TMEM184B: variants seen among roughly 807,000 people sequenced by gnomAD.
TMEM184B encodes putative MAPK-activating protein FM08.
A neutral mutation model predicts 41.8 loss-of-function variants in TMEM184B; 17 were observed. The observed-to-expected ratio is 0.41, with a 90% CI of 0.28 to 0.61. The LOEUF (loss-of-function observed/expected upper bound fraction) is 0.61. Among genes scored for constraint, TMEM184B ranks in the 20% least tolerant of loss-of-function variants. TMEM184B has a pLI of 0.34. For missense variants in TMEM184B, 393 were observed against 557.8 expected (o/e 0.70, Z 2.98); for synonymous variants, 240 against 229.5 (o/e 1.05, Z -0.41).
intron 8 of TMEM184B, chr22:38,222,640 A>C: frequency 1.0e-6 from 1 of 985,410 alleles, no homozygotes. Context: ...AGCGGGACCT[A>C]CCGTAAGGGC....
chr22:38,245,992 A>G lies in TMEM184B; in HGVS notation c.301T>C (p.Phe101Leu), dbSNP rs1243367691. ...ACGTAGTACTGGTCGTTGGTGAAGA[A>G]GAGGAGGCTGAGCCAGGAGTCAAAG... ...YAFDSWLSLLFFTNDQYYVYF... is the reference protein window; with the variant it reads ...YAFDSWLSLLLFTNDQYYVYF... Residue 101 changes from phenylalanine to leucine, a missense_variant, in exon 3 of 9, where the codon TTC (phenylalanine) becomes CTC (leucine). Transcript: ENST00000361906. The G allele has an allele frequency of 1.2e-5, 19 of 1,613,670 alleles. No homozygotes were observed. Among genetic ancestry groups the G allele is most frequent in the Non-Finnish European group, 1.5e-5 (18 of 1,179,996 alleles).
intron 8 of TMEM184B, among the ~76,000 whole-genome samples, chr22:38,224,389 T>C (rs376666669): frequency 9.3e-4 from 141 of 152,332 alleles, no homozygotes; most frequent in East Asian, 4.6e-3. Flanking sequence ...GCTGGGATTA[T>C]AGGCGTGAGC....
chr22:38,263,037 G>A (rs1207633992), intron 1 of TMEM184B, among the ~76,000 whole-genome samples: 1 of 152,082 alleles, frequency 6.6e-6, no homozygotes, highest in Admixed American at 6.6e-5. Context: ...AGAGCAGCTG[G>A]GATTACAGGC....
intron 3 of TMEM184B, 99 bp downstream of exon 3, chr22:38,245,836 A>C (rs1290174535): frequency 1.6e-6 from 2 of 1,280,416 alleles, no homozygotes; most frequent in African/African-American, 1.5e-5. Context: ...GGGTGTGTCA[A>C]GACAGTCCTC....
In TMEM184B at chr22:38,245,954, G is replaced by A. The variant is rs201576592; in HGVS notation, c.339C>T (p.Thr113=). The change falls in exon 3 of 9, where the codon ACC becomes ACT. Residue 113 remains threonine, a synonymous_variant. Coordinates refer to ENST00000361906, the MANE Select transcript of TMEM184B (RefSeq NM_012264.5). ...CCTCACCCTCATAGCAGTCGCGGAC[G>A]GTGCCGAAGTACACGTAGTACTGGT... The part of the protein sequence containing the change: ...TNDQYYVYFG[T]VRDCYEALVI... The A allele has an allele frequency of 1.0e-4, 144 of 1,424,288 alleles. No homozygotes were observed. In the Middle Eastern group the frequency reaches 1.9e-3, roughly 19 times the overall value. 88.2% of individuals were successfully genotyped at this position (1,424,288 alleles called of 1,614,324 possible). A position where few individuals can be genotyped will look rare whatever the true frequency, so the allele number is the denominator to read the frequency against.
intron 4 of TMEM184B, 116 bp downstream of exon 4, chr22:38,231,128 G>A: frequency 1.1e-6 from 1 of 895,894 alleles, no homozygotes; most frequent in Non-Finnish European, 1.9e-6. Context: ...GTGAGGCACA[G>A]CAGGTCAAGG....
rs2091248169 is a variant in TMEM184B, at chr22:38,221,164, G to A, written c.*305C>T. ...TCCACACACAAGCATTGGGGCCTGG[G>A]TGCGGCTGGTCCCAGCATGCCCCCA... is the stretch of plus-strand genomic sequence containing the variant. On this transcript the variant is annotated 3_prime_UTR_variant, in exon 9 of 9. Transcript: ENST00000361906. 8.2e-7 allele frequency: 1 copy of A among 1,222,240 alleles called. No homozygotes were observed. 75.7% of individuals were successfully genotyped at this position (1,222,240 alleles called of 1,614,324 possible).
chr22:38,239,905 C>T lies in TMEM184B; in HGVS notation c.358+6030G>A, dbSNP rs142457721. Among the ~76,000 whole-genome samples the T allele has an allele frequency of 4.1e-4, 63 of 152,122 alleles. No homozygotes were observed. The highest frequency in any genetic ancestry group is 1.5e-3 in the African/African-American group (62 of 41,488). On this transcript the variant is annotated intron_variant, in intron 3 of 8. Transcript: ENST00000361906. This position sits in a 1 kb window ranked among gnomAD's most constrained non-coding sequence, Gnocchi z 4.6. ...TGCTGCATACAAACAGCCAAGGAAA[C>T]ACCCCATGTTCCATCACCCAATCAG... is the stretch of plus-strand genomic sequence containing the variant.
chr22:38,226,904 A>G lies in TMEM184B; in HGVS notation c.526-34T>C. 1 of 1,556,854 alleles carries G rather than the reference A, an allele frequency of 6.4e-7. No homozygotes were observed. The highest frequency in any genetic ancestry group is 8.7e-7 in the Non-Finnish European group (1 of 1,148,964). On this transcript the variant is annotated intron_variant, in intron 5 of 8. Transcript: ENST00000361906. This position sits in a 1 kb window ranked among gnomAD's most constrained non-coding sequence, Gnocchi z 4.6. ...GGGAAAAGGAGGTTGAGTGTGGAGGAGGAGCACAGAAGGCATGAAGCAAGC... is the reference window on the plus strand; with the variant it reads ...GGGAAAAGGAGGTTGAGTGTGGAGGGGGAGCACAGAAGGCATGAAGCAAGC...
chr22:38,262,006 C>T lies in TMEM184B; in HGVS notation c.-59+10878G>A, dbSNP rs112026192. 1.2e-3 allele frequency among the ~76,000 whole-genome samples: 189 copies of T among 152,392 alleles called. 2 individuals carry two copies. Among genetic ancestry groups the T allele is most frequent in the Non-Finnish European group, 2.4e-3 (164 of 68,044 alleles). On this transcript the variant is annotated intron_variant, in intron 1 of 8. Coordinates refer to ENST00000361906, the MANE Select transcript of TMEM184B (RefSeq NM_012264.5). ...GACAAGAATGAATTCACCGAAGAGG[C>T]TGGACATAACCCAATGCCTGTCCAC...
intron 1 of TMEM184B, among the ~76,000 whole-genome samples, chr22:38,249,724 G>T (rs915021169): frequency 1.3e-5 from 2 of 152,228 alleles, no homozygotes; most frequent in African/African-American, 4.8e-5. Flanking sequence ...CGATTTATGG[G>T]ATTTTGTCAT....
Position 38,272,110 on chromosome 22 carries a change from G to A in TMEM184B, c.-59+774C>T, listed in dbSNP as rs185638305. Among the ~76,000 whole-genome samples, 262 of 152,300 alleles carry A rather than the reference G, an allele frequency of 1.7e-3. 2 individuals are homozygous for A. Among genetic ancestry groups the A allele is most frequent in the Middle Eastern group, 3.4e-3 (1 of 294 alleles). On this transcript the variant is annotated intron_variant, in intron 1 of 8. Coordinates refer to ENST00000361906, the MANE Select transcript of TMEM184B (RefSeq NM_012264.5). ...TGCCCCAAAATGCCCTGGAAAGGAG[G>A]GAGGAGTAAAACGTCTGGCCTTATA...
At chr22:38,266,349 G>A (rs932699126) in intron 1 of TMEM184B, among the ~76,000 whole-genome samples, 3 of 152,226 alleles carry the variant, frequency 2.0e-5, no homozygotes, top group Non-Finnish European at 4.4e-5. Flanking sequence ...TCAAATCAAG[G>A]ACTTCACCAG....
At chr22:38,216,555 G>A (rs894193160), downstream of TMEM184B, 5 of 153,782 alleles carry the variant, frequency 3.3e-5, no homozygotes, top group East Asian at 2.1e-4. Context: ...TGTCTAAAAT[G>A]GGGTTCTGCT....
intron 3 of TMEM184B, among the ~76,000 whole-genome samples, chr22:38,235,967 T>C (rs2091763547): frequency 6.6e-6 from 1 of 152,076 alleles, no homozygotes; most frequent in Admixed American, 6.5e-5. Context: ...TGACTCTACA[T>C]CTCCCTAAAT....
Position 38,249,235 on chromosome 22 carries a change from C to T in TMEM184B, c.-58-1216G>A, listed in dbSNP as rs547042522. On this transcript the variant is annotated intron_variant, in intron 1 of 8. Transcript: ENST00000361906. ...TGCAATCTCGGCTCCCTGCGGCTTC[C>T]GCCTCCCGGGCTCAAGAATCCTCCT... Among the ~76,000 whole-genome samples, 7 of 152,282 alleles carry T rather than the reference C, an allele frequency of 4.6e-5. No homozygotes were observed. The East Asian group carries it at 1.2e-3, about 25-fold the overall frequency.
At chr22:38,253,538 T>C (rs2092215148) in intron 1 of TMEM184B, among the ~76,000 whole-genome samples, 1 of 152,020 alleles carries the variant, frequency 6.6e-6, no homozygotes, top group Admixed American at 6.6e-5. Context: ...ACCACTGCAC[T>C]CCAGCCTGGG....
intron 3 of TMEM184B, among the ~76,000 whole-genome samples, chr22:38,242,005 C>A (rs1741449678): frequency 1.3e-4 from 1 of 7,762 alleles, no homozygotes; most frequent in Non-Finnish European, 2.2e-4. Flanking sequence ...AAAACCAGTA[C>A]AAGCATATTT....
At chr22:38,241,615 GT>G (rs1378342534) in intron 3 of TMEM184B, among the ~76,000 whole-genome samples, 1 of 151,792 alleles carries the variant, frequency 6.6e-6, no homozygotes, top group Non-Finnish European at 1.5e-5. Context: ...GCCAGGCACG[GT>G]GCTCATGCCT....
Sources: allele counts gnomAD v4.1 joint callset (sites outside exome capture counted in the v4.1 genomes callset), GRCh38; gene constraint gnomAD v4.1.1; non-coding constraint Gnocchi (gnomAD v3.1); transcripts MANE v1.5; gene names NCBI Gene and HGNC (gene_info 2026-07-23, HGNC 2026-07-21).